Variants in CAPN8 observed in about 807,000 individuals in gnomAD.
The protein encoded by CAPN8 is calpain 8, also known as calpain-8.
CAPN8 carries 87 observed loss-of-function variants against 80.9 expected under a neutral mutation model. That is an observed-to-expected ratio of 1.07 (90% CI 0.90 to 1.28). CAPN8 has a LOEUF of 1.28. Ranked by LOEUF, CAPN8 falls within the 50% of genes most tolerant of loss-of-function variation. The pLI, the probability that CAPN8 is intolerant of heterozygous loss-of-function variation, is 0.00. For synonymous variants in CAPN8, 299 were observed against 273.8 expected (o/e 1.09, Z -0.91); for missense variants, 757 against 702.0 (o/e 1.08, Z -0.89).
At chr1:223,664,500 A>G (rs573382271) in intron 1 of CAPN8, among the ~76,000 whole-genome samples, 1 of 152,380 alleles carries the variant, frequency 6.6e-6, no homozygotes, top group African/African-American at 2.4e-5. Context: ...ATAAGGTGCC[A>G]GTAAATGCCA....
intron 2 of CAPN8, among the ~76,000 whole-genome samples, chr1:223,653,543 C>A (rs1056145260): frequency 1.3e-5 from 2 of 152,012 alleles, no homozygotes; most frequent in African/African-American, 4.8e-5. Flanking sequence ...GGATTTGTTT[C>A]TTTTTCACCT....
At chr1:223,549,261 T>A (rs1177251079) in intron 16 of CAPN8, 57 bp downstream of exon 16, 5 of 1,532,404 alleles carry the variant, frequency 3.3e-6, no homozygotes, top group Non-Finnish European at 4.4e-6. Flanking sequence ...GGTGGAGGAG[T>A]CTTTAAAAAC....
At chr1:223,651,347 G>T (rs1658338239) in intron 2 of CAPN8, among the ~76,000 whole-genome samples, 1 of 152,232 alleles carries the variant, frequency 6.6e-6, no homozygotes, top group Admixed American at 6.5e-5. Context: ...TTCAGGGACT[G>T]AGCTGCCCAA....
At chr1:223,620,855 T>G (rs1657366488) in intron 7 of CAPN8, among the ~76,000 whole-genome samples, 1 of 152,088 alleles carries the variant, frequency 6.6e-6, no homozygotes, top group Non-Finnish European at 1.5e-5. Context: ...AAGGGCAATA[T>G]CTATGCACTT....
In CAPN8 at chr1:223,545,187, G is replaced by T. The variant is rs117825707; in HGVS notation, c.1833+44C>A. 223 of 1,551,594 alleles carry T rather than the reference G, an allele frequency of 1.4e-4. 1 individual carries two copies. The East Asian group carries it at 4.9e-3, about 34-fold the overall frequency. The stretch of plus-strand genomic sequence containing the variant: ...TGGACCAGGAATGAGTGTAAGGGAG[G>T]ATTAGAACAGAGGAGAGGATGCCCA... On this transcript the variant is annotated intron_variant, in intron 17 of 20. Transcript: ENST00000366872.
At chr1:223,628,846 C>T in intron 2 of CAPN8, 66 bp from the exon 3 acceptor site, 2 of 1,300,262 alleles carry the variant, frequency 1.5e-6, no homozygotes, top group African/African-American at 3.0e-5. Context: ...CTTTCTCTGA[C>T]CCTGTCCCAT....
chr1:223,652,115 T>C (rs11577934), intron 2 of CAPN8, among the ~76,000 whole-genome samples: 58,289 of 151,946 alleles, frequency 0.38, 12,460 homozygotes, highest in Non-Finnish European at 0.49. Context: ...ATTTTCATTA[T>C]ACAAATCAAC....
chr1:223,642,176 G>A lies in CAPN8; in HGVS notation c.307+12154C>T, dbSNP rs189765023. On this transcript the variant is annotated intron_variant, in intron 2 of 20. Coordinates refer to ENST00000366872, the MANE Select transcript of CAPN8 (RefSeq NM_001143962.2). ...CCCAGGTACTGTGTTCTCAGCAGAC[G>A]GTGGGGTATTGGGGTCACCCAAGAA... is the stretch of plus-strand genomic sequence containing the variant. Among the ~76,000 whole-genome samples the A allele has an allele frequency of 7.9e-5, 12 of 152,304 alleles. No homozygotes were observed. In the East Asian group the frequency reaches 2.1e-3, roughly 27 times the overall value.
chr1:223,625,958 C>A, intron 5 of CAPN8, 70 bp from the exon 6 acceptor site: 2 of 1,236,708 alleles, frequency 1.6e-6, no homozygotes, highest in South Asian at 1.3e-5. Context: ...GAATGCTTTC[C>A]AAGGACACAC....
chr1:223,612,361 G>A (rs980849728), intron 10 of CAPN8, 104 bp from the exon 11 acceptor site: 18 of 1,000,488 alleles, frequency 1.8e-5, no homozygotes, highest in Non-Finnish European at 2.3e-5. Context: ...TGCAGTCCTG[G>A]GGCAACTGAG....
chr1:223,632,909 G>C (rs943493419), intron 2 of CAPN8, among the ~76,000 whole-genome samples: 1 of 152,184 alleles, frequency 6.6e-6, no homozygotes, highest in Non-Finnish European at 1.5e-5. Flanking sequence ...TTGGCTGGCA[G>C]AGACTTTTTT....
Position 223,541,877 on chromosome 1 carries a change from A to T in CAPN8, c.2089-18T>A. The T allele has an allele frequency of 6.6e-7, 1 of 1,509,298 alleles. No individual in the cohort carries two copies. The highest frequency in any genetic ancestry group is 8.8e-7 in the Non-Finnish European group (1 of 1,132,566). 93.5% of individuals were successfully genotyped at this position (1,509,298 alleles called of 1,614,324 possible). The stretch of plus-strand genomic sequence containing the variant: ...CACAGCCACTGCAAAGGAAAGGGAC[A>T]AGATTGAGTCTTGGCTTCTCAGGGG... On this transcript the variant is annotated intron_variant, in intron 20 of 20. Transcript: ENST00000366872.
intron 5 of CAPN8, 60 bp downstream of exon 5, chr1:223,626,929 C>T: frequency 6.6e-7 from 1 of 1,520,968 alleles, no homozygotes; most frequent in Non-Finnish European, 8.9e-7. Flanking sequence ...CATCCCTTCC[C>T]TACCACACAA....
chr1:223,553,102 G>GT (rs1163396432), intron 14 of CAPN8, among the ~76,000 whole-genome samples: 68,166 of 151,856 alleles, frequency 0.45, 15,799 homozygotes, highest in African/African-American at 0.59. Flanking sequence ...GGAGACCATT[G>GT]TTTTTTCCTC....
intron 10 of CAPN8, among the ~76,000 whole-genome samples, chr1:223,614,899 T>C (rs537646996): frequency 6.6e-6 from 1 of 152,338 alleles, no homozygotes; most frequent in African/African-American, 2.4e-5. Flanking sequence ...CACACTGGAG[T>C]AGAATTGGAG....
intron 13 of CAPN8, among the ~76,000 whole-genome samples, chr1:223,555,316 C>T (rs1656879370): frequency 2.6e-5 from 4 of 152,228 alleles, no homozygotes; most frequent in African/African-American, 7.2e-5. Flanking sequence ...CCAGCCCATG[C>T]ACTTCTCCAC....
At chr1:223,660,505 C>T (rs1658615948) in intron 1 of CAPN8, among the ~76,000 whole-genome samples, 1 of 152,224 alleles carries the variant, frequency 6.6e-6, no homozygotes. Context: ...TATGCTTGAC[C>T]TTGAGCCCTT....
At chr1:223,552,468 G>T (rs1656815190) in intron 14 of CAPN8, among the ~76,000 whole-genome samples, 2 of 149,682 alleles carry the variant, frequency 1.3e-5, no homozygotes, top group Non-Finnish European at 2.9e-5. Flanking sequence ...GGAGGCTGAG[G>T]CACGAGAATC....
At position 223,641,200 on chromosome 1, in the gene CAPN8, C is replaced by A. The variant is rs148508715; in HGVS notation, c.308-12420G>T. Among the ~76,000 whole-genome samples, 307 of 152,328 alleles carry A rather than the reference C, an allele frequency of 2.0e-3. 2 individuals are homozygous for A. The highest frequency in any genetic ancestry group is 6.3e-3 in the African/African-American group (263 of 41,576). ...TCCTGCTGTCTTGTCATCTTTTCAG[C>A]ATGAGTTCTCCCTCAAAAAGTCAAC... is the stretch of plus-strand genomic sequence containing the variant. On this transcript the variant is annotated intron_variant, in intron 2 of 20. Coordinates refer to ENST00000366872, the MANE Select transcript of CAPN8 (RefSeq NM_001143962.2).
Sources: gnomAD v4.1 joint callset for allele counts (sites outside exome capture counted in the v4.1 genomes callset) on GRCh38, gnomAD v4.1.1 for gene constraint, MANE v1.5 for transcripts, NCBI Gene and HGNC (gene_info 2026-07-23, HGNC 2026-07-21) for gene names.